ELP4: variants seen among roughly 807,000 people sequenced by gnomAD.
ELP4 encodes elongator complex protein 4.
Under a neutral mutation model 48.9 loss-of-function variants are expected in ELP4, and 51 were observed. That is an observed-to-expected ratio of 1.04 (90% CI 0.83 to 1.32). The LOEUF is 1.32. Among genes scored for constraint, ELP4 ranks in the 40% most tolerant of loss-of-function variants. ELP4 has a pLI of 0.00. For synonymous variants in ELP4, 210 were observed against 189.2 expected, an observed-to-expected ratio of 1.11 and a Z score of -0.90; for missense variants, 519 against 514.6, an observed-to-expected ratio of 1.01 and a Z score of -0.08.
At chr11:31,630,101 AG>A (rs760914904) in intron 6 of ELP4, among the ~76,000 whole-genome samples, 2 of 151,982 alleles carry the variant, frequency 1.3e-5, no homozygotes, top group East Asian at 3.9e-4. Context: ...AGGGTGTCTT[AG>A]GTGGTTGTCT....
At chr11:31,577,881 G>A (rs914216964) in intron 3 of ELP4, among the ~76,000 whole-genome samples, 6 of 152,120 alleles carry the variant, frequency 3.9e-5, no homozygotes, top group African/African-American at 1.4e-4. Flanking sequence ...TTGAAAACTG[G>A]CACAAGACAT....
At chr11:31,534,131 C>G (rs1956459400) in intron 2 of ELP4, among the ~76,000 whole-genome samples, 1 of 152,102 alleles carries the variant, frequency 6.6e-6, no homozygotes, top group Non-Finnish European at 1.5e-5. Flanking sequence ...CCACGGTACC[C>G]GGCCAGTTAA....
chr11:31,652,996 G>T (rs1329399863), intron 9 of ELP4: 2 of 151,480 alleles, frequency 1.3e-5, no homozygotes, highest in African/African-American at 2.4e-5. Context: ...GCTACCAAGG[G>T]CCTCTAACAG....
chr11:31,558,490 A>G (rs1956963820), intron 3 of ELP4, among the ~76,000 whole-genome samples: 1 of 152,216 alleles, frequency 6.6e-6, no homozygotes, highest in Non-Finnish European at 1.5e-5. Context: ...TTTTGCATGC[A>G]GAAAAGTTGT....
chr11:31,757,959 T>A (rs1195001976), intron 9 of ELP4, among the ~76,000 whole-genome samples: 2 of 152,234 alleles, frequency 1.3e-5, no homozygotes, highest in Non-Finnish European at 2.9e-5. Flanking sequence ...TCTTTGGCAT[T>A]AGACAAAGAA....
intron 3 of ELP4, among the ~76,000 whole-genome samples, chr11:31,547,068 T>TA (rs1268692247): frequency 2.6e-5 from 4 of 151,968 alleles, no homozygotes; most frequent in Non-Finnish European, 5.9e-5. Flanking sequence ...ACATCACAAT[T>TA]AAAAGAACTA....
chr11:31,782,066 T>G (rs1948389755), intron 9 of ELP4, among the ~76,000 whole-genome samples: 2 of 152,236 alleles, frequency 1.3e-5, no homozygotes, highest in African/African-American at 4.8e-5. Context: ...TCCTTGATCA[T>G]GCATTTGTAT....
intron 4 of ELP4, chr11:31,600,521 T>G (rs1957763593): frequency 6.6e-6 from 1 of 152,072 alleles, no homozygotes; most frequent in African/African-American, 2.4e-5. Flanking sequence ...CAAATACCAT[T>G]TTTTCAATAA....
At chr11:31,571,394 C>T (rs1332739160) in intron 3 of ELP4, among the ~76,000 whole-genome samples, 1 of 152,204 alleles carries the variant, frequency 6.6e-6, no homozygotes, top group East Asian at 1.9e-4. Context: ...GGCTCCACTT[C>T]TAATTCTAGT....
chr11:31,755,025 G>C (rs1350679771), intron 9 of ELP4, among the ~76,000 whole-genome samples: 2 of 151,978 alleles, frequency 1.3e-5, no homozygotes, highest in Non-Finnish European at 2.9e-5. Flanking sequence ...CCCAAAGGAG[G>C]GAAAATATAA....
At chr11:31,782,516 C>A (rs376171000) in intron 9 of ELP4, among the ~76,000 whole-genome samples, 1 of 152,096 alleles carries the variant, frequency 6.6e-6, no homozygotes, top group African/African-American at 2.4e-5. Flanking sequence ...ATAAATTTTG[C>A]GAGCTGGGAG....
chr11:31,571,644 T>A (rs1346344537), intron 3 of ELP4, among the ~76,000 whole-genome samples: 1 of 152,202 alleles, frequency 6.6e-6, no homozygotes, highest in Non-Finnish European at 1.5e-5. Context: ...AGACATGTAT[T>A]CTTAAATAAT....
intron 9 of ELP4, among the ~76,000 whole-genome samples, chr11:31,692,023 G>T (rs539056128): frequency 2.6e-5 from 4 of 152,246 alleles, no homozygotes; most frequent in African/African-American, 7.2e-5. Flanking sequence ...TAAGCATTTT[G>T]TCTATGCAAC....
chr11:31,779,701 C>G (rs1277462724), intron 9 of ELP4: 1 of 152,224 alleles, frequency 6.6e-6, no homozygotes, highest in Admixed American at 6.5e-5. Flanking sequence ...CTCACTGTTT[C>G]CCTCCTTGCA....
intron 9 of ELP4, among the ~76,000 whole-genome samples, chr11:31,776,029 C>T (rs1396546071): frequency 1.3e-5 from 2 of 151,370 alleles, no homozygotes; most frequent in East Asian, 1.9e-4. Flanking sequence ...CATGCATCTG[C>T]GGTCCCAGTT....
At chr11:31,604,184 A>G (rs1250996651) in intron 5 of ELP4, among the ~76,000 whole-genome samples, 1 of 151,834 alleles carries the variant, frequency 6.6e-6, no homozygotes, top group African/African-American at 2.4e-5. Context: ...GCTGGTTTTC[A>G]AGAAAATGTA....
intron 2 of ELP4, among the ~76,000 whole-genome samples, chr11:31,530,469 G>A (rs7943974): frequency 0.026 from 4,022 of 152,144 alleles, 170 homozygotes; most frequent in African/African-American, 0.091. Flanking sequence ...GTTTCATGAA[G>A]AAAGTTGTCA....
chr11:31,523,305 T>A lies in ELP4; in HGVS notation c.259+3214T>A, dbSNP rs190055061. 1.2e-4 allele frequency among the ~76,000 whole-genome samples: 19 copies of A among 152,298 alleles called. No individual in the cohort carries two copies. The East Asian group carries it at 3.5e-3, about 28-fold the overall frequency. On this transcript the variant is annotated intron_variant, in intron 2 of 9. Transcript: ENST00000640961. ...TAGTTCAGTGTTTAGGAGCCTATGG[T>A]ATTACTATATTGCTCATCACTGAAA...
rs114794838 is a variant in ELP4 at position 31,609,266 on chromosome 11, C to T, written c.653+5359C>T. Among the ~76,000 whole-genome samples the T allele has an allele frequency of 1.5e-3, 228 of 152,202 alleles. 2 individuals carry two copies. The highest frequency in any genetic ancestry group is 5.2e-3 in the African/African-American group (215 of 41,556). On this transcript the variant is annotated intron_variant, in intron 5 of 9. Coordinates refer to ENST00000640961, the MANE Select transcript of ELP4 (RefSeq NM_019040.5). ...CGCGGCTAGTAGCTGACATTTGGCA[C>T]GATCTCGTTGGGCTTTATTTTTTCT...
Sources: allele counts gnomAD v4.1 joint callset (sites outside exome capture counted in the v4.1 genomes callset), GRCh38; gene constraint gnomAD v4.1.1; transcripts MANE v1.5; gene names NCBI Gene and HGNC (gene_info 2026-07-23, HGNC 2026-07-21).